DISP1: variants seen among roughly 807,000 people sequenced by gnomAD.
DISP1 encodes the protein protein dispatched homolog 1.
A neutral mutation model predicts 37.3 loss-of-function variants in DISP1; 30 were observed. That is an observed-to-expected ratio of 0.80 (90% confidence interval 0.60 to 1.09). DISP1 has a LOEUF of 1.09. Among genes scored for constraint, DISP1 ranks in the 50% least tolerant of loss-of-function variants. DISP1 has a pLI of 0.00. For synonymous variants in DISP1, 634 were observed against 690.2 expected (o/e 0.92, Z 1.28); for missense variants, 1,598 against 1,879.5 (o/e 0.85, Z 2.77).
At chr1:222,994,863 C>CT (rs546218400) in intron 7 of DISP1, 22 bp from the exon 8 acceptor site, 7,167 of 1,361,572 alleles carry the variant, frequency 5.3e-3, no homozygotes, top group Non-Finnish European at 6.2e-3. Context: ...TTTTTCTTTC[C>CT]TTTTTTTTTT....
Position 222,894,804 on chromosome 1 carries a change from G to T in DISP1, c.-158-33626G>T, listed in dbSNP as rs572331389. On this transcript the variant is annotated intron_variant, in intron 1 of 8. Transcript: ENST00000675850. ...TGCCTCCCCTGCTACAGCCGGCGAC[G>T]CTGCAGCGGCTGCTCCAGACGGGCT... Among the ~76,000 whole-genome samples the T allele has an allele frequency of 1.6e-4, 24 of 152,360 alleles. No individual in the cohort carries two copies. The South Asian group carries it at 4.8e-3, about 30-fold the overall frequency.
chr1:222,866,002 A>G (rs1183183210), intron 1 of DISP1, among the ~76,000 whole-genome samples: 1 of 152,110 alleles, frequency 6.6e-6, no homozygotes. Flanking sequence ...ACAGTTGGTA[A>G]AAGTAACTAA....
intron 1 of DISP1, among the ~76,000 whole-genome samples, chr1:222,849,068 G>C (rs35467168): frequency 6.6e-6 from 1 of 151,956 alleles, no homozygotes. Context: ...GTGAATGTGT[G>C]TATACTACAT....
At chr1:222,953,532 A>G (rs866190970) in intron 3 of DISP1, among the ~76,000 whole-genome samples, 3 of 152,164 alleles carry the variant, frequency 2.0e-5, no homozygotes, top group Non-Finnish European at 4.4e-5. Flanking sequence ...AGGCCTCTTT[A>G]GCCCCCGAAA....
chr1:222,996,351 A>G (rs767226868), intron 8 of DISP1, among the ~76,000 whole-genome samples: 5 of 152,238 alleles, frequency 3.3e-5, no homozygotes, highest in Non-Finnish European at 7.3e-5. Flanking sequence ...GTACTTGTAC[A>G]TCACTCACAG....
At chr1:222,919,303 C>T (rs1672674413) in intron 1 of DISP1, among the ~76,000 whole-genome samples, 1 of 152,214 alleles carries the variant, frequency 6.6e-6, no homozygotes, top group African/African-American at 2.4e-5. Flanking sequence ...CAAACTGCAT[C>T]TGCCGCCCAG....
intron 1 of DISP1, among the ~76,000 whole-genome samples, chr1:222,876,029 G>T (rs1669955371): frequency 6.6e-6 from 1 of 151,614 alleles, no homozygotes; most frequent in Non-Finnish European, 1.5e-5. Flanking sequence ...AAGGAGAGTT[G>T]CTGAGGGAAA....
intron 1 of DISP1, among the ~76,000 whole-genome samples, chr1:222,821,603 C>T (rs921667736): frequency 6.6e-6 from 1 of 152,070 alleles, no homozygotes; most frequent in Admixed American, 6.6e-5. Context: ...CGGCCAGGTG[C>T]AGTGGCTCAT....
chr1:223,002,377 C>T lies in DISP1; in HGVS notation c.988-8C>T. The T allele has an allele frequency of 1.2e-6, 2 of 1,612,758 alleles. No individual in the cohort carries two copies. Among genetic ancestry groups the T allele is most frequent in the Non-Finnish European group, 1.7e-6 (2 of 1,178,982 alleles). On this transcript the variant is annotated splice_polypyrimidine_tract_variant and splice_region_variant and intron_variant, in intron 8 of 8. Transcript: ENST00000675850. ...CTGTAGTCCTTCTGCTTGTCTCTAT[C>T]TCTGCAGATCAGATCTCATCCCCAG...
At chr1:222,955,180 G>A (rs111928350) in intron 3 of DISP1, among the ~76,000 whole-genome samples, 2 of 151,132 alleles carry the variant, frequency 1.3e-5, no homozygotes, top group East Asian at 2.0e-4. Context: ...TCTGCCTCCT[G>A]AGTTCATGTG....
chr1:223,003,262 A>G lies in DISP1; in HGVS notation c.1865A>G (p.Asn622Ser). The change falls in exon 9 of 9, where the codon AAC becomes AGC. Residue 622 changes from asparagine (N) to serine (S), a missense_variant. Asn to Ser is a conservative substitution (Grantham distance 46). Transcript: ENST00000675850. The surrounding 1 kb of genome is among the most constrained non-coding windows in gnomAD (Gnocchi z 4.3). Reference sequence around the variant, plus strand: ...ACCACTGCTGCTGCCTTTTATGCTAACTATGTTAGCAACATTACAGCAATC... The same window carrying G: ...ACCACTGCTGCTGCCTTTTATGCTAGCTATGTTAGCAACATTACAGCAATC... ...SFTTAAAFYA[N>S]YVSNITAIRC... 6.2e-7 allele frequency: 1 copy of G among 1,614,238 alleles called. No individual in the cohort carries two copies. The highest frequency in any genetic ancestry group is 8.5e-7 in the Non-Finnish European group (1 of 1,180,022).
intron 3 of DISP1, among the ~76,000 whole-genome samples, chr1:222,972,448 G>T (rs1048580245): frequency 1.3e-5 from 2 of 151,926 alleles, no homozygotes; most frequent in Non-Finnish European, 2.9e-5. Flanking sequence ...TATCCTATCA[G>T]TTGTTACTCA....
intron 6 of DISP1, 27 bp downstream of exon 6, chr1:222,991,674 CTT>C (rs979715892): frequency 1.8e-5 from 29 of 1,599,780 alleles, no homozygotes; most frequent in Non-Finnish European, 2.4e-5. Context: ...TTTTATATAA[CTT>C]TTAGACAAAA....
At chr1:222,848,431 T>G (rs1299639543) in intron 1 of DISP1, among the ~76,000 whole-genome samples, 1 of 148,796 alleles carries the variant, frequency 6.7e-6, no homozygotes, top group African/African-American at 2.4e-5. Flanking sequence ...AAAATTATAG[T>G]AAGTAGTGGC....
chr1:223,003,404 C>T lies in DISP1; in HGVS notation c.2007C>T (p.Cys669=), dbSNP rs1449082357. 6.2e-7 allele frequency: 1 copy of T among 1,614,144 alleles called. No individual in the cohort carries two copies. Among genetic ancestry groups the T allele is most frequent in the South Asian group, 1.1e-5 (1 of 91,086 alleles). ...HERYLLNIFT[C]FKKPQQQIYD... ...GGTATCTTCTTAATATATTCACTTG[C>T]TTCAAAAAGCCCCAGCAGCAAATAT... is the stretch of plus-strand genomic sequence containing the variant. The change falls in exon 9 of 9, where the codon TGC becomes TGT. Residue 669 remains cysteine, a synonymous_variant. Transcript: ENST00000675850. This position sits in a 1 kb window ranked among gnomAD's most constrained non-coding sequence, Gnocchi z 4.3.
chr1:222,943,185 C>A lies in DISP1; in HGVS notation c.362C>A (p.Ser121Tyr). 2 of 1,610,652 alleles carry A rather than the reference C, an allele frequency of 1.2e-6. No homozygotes were observed. The highest frequency in any genetic ancestry group is 1.7e-6 in the Non-Finnish European group (2 of 1,177,094). Reference protein sequence around the residue: ...ALASCCMQPHSEYSASLCPNH... With the variant: ...ALASCCMQPHYEYSASLCPNH... Reference sequence around the variant, plus strand: ...GCCTCGTGTTGCATGCAGCCACACTCCGAGTATTCTGCATCTCTTTGTCCA... The same window carrying A: ...GCCTCGTGTTGCATGCAGCCACACTACGAGTATTCTGCATCTCTTTGTCCA... Residue 121 changes from serine to tyrosine, a missense_variant, in exon 3 of 9, where the codon TCC becomes TAC. By Grantham distance (144) the Ser-to-Tyr change is moderately radical (BLOSUM62 -2). Coordinates refer to ENST00000675850, the MANE Select transcript of DISP1 (RefSeq NM_001377229.1).
At chr1:222,989,495 G>C in intron 4 of DISP1, 1 of 985,410 alleles carries the variant, frequency 1.0e-6, no homozygotes, top group African/African-American at 1.7e-5. Context: ...CCTCATGGAA[G>C]GGATACAGAA....
intron 1 of DISP1, among the ~76,000 whole-genome samples, chr1:222,846,429 T>G (rs2125300314): frequency 6.6e-6 from 1 of 151,976 alleles, no homozygotes; most frequent in East Asian, 1.9e-4. Flanking sequence ...AGGCAGAGGT[T>G]GTGGTGAGCT....
intron 3 of DISP1, among the ~76,000 whole-genome samples, chr1:222,968,038 GC>G (rs144962310): frequency 0.018 from 2,689 of 152,254 alleles, 77 homozygotes; most frequent in African/African-American, 0.062. Flanking sequence ...CCTGGGACTT[GC>G]CTGTGTTGAA....
Sources: gnomAD v4.1 joint callset for allele counts (sites outside exome capture counted in the v4.1 genomes callset) on GRCh38, gnomAD v4.1.1 for gene constraint, Gnocchi (gnomAD v3.1) non-coding constraint, MANE v1.5 for transcripts, NCBI Gene and HGNC (gene_info 2026-07-23, HGNC 2026-07-21) for gene names.